Variants in SLC24A2 observed in about 807,000 individuals in gnomAD.
SLC24A2 encodes solute carrier family 24 member 2.
A neutral mutation model predicts 62.0 loss-of-function variants in SLC24A2; 36 were observed. The observed-to-expected ratio is 0.58, with a 90% CI of 0.44 to 0.77. The LOEUF (loss-of-function observed/expected upper bound fraction) is 0.77, where lower values mean the gene tolerates loss of function less well. Ranked by LOEUF, SLC24A2 falls within the 30% of genes least tolerant of loss-of-function variation. The pLI is 0.00. For missense variants in SLC24A2, 846 were observed against 817.9 expected (o/e 1.03, Z -0.42); for synonymous variants, 358 against 294.0 (o/e 1.22, Z -2.23).
intron 2 of SLC24A2, among the ~76,000 whole-genome samples, chr9:19,623,026 G>T (rs1440559058): frequency 1.3e-5 from 2 of 152,124 alleles, no homozygotes; most frequent in African/African-American, 4.8e-5. Context: ...TAGAACACAA[G>T]GGCACATAAA....
At chr9:19,562,668 AAATGGAACCCAT>A (rs1320711514) in intron 7 of SLC24A2, among the ~76,000 whole-genome samples, 1 of 152,250 alleles carries the variant, frequency 6.6e-6, no homozygotes, top group African/African-American at 2.4e-5. Flanking sequence ...TGCCTTCAGA[AAATGGAACCCAT>A]GTGCCAAGGC....
At chr9:19,579,215 A>T (rs766267152) in intron 5 of SLC24A2, among the ~76,000 whole-genome samples, 1 of 152,210 alleles carries the variant, frequency 6.6e-6, no homozygotes, top group Non-Finnish European at 1.5e-5. Flanking sequence ...AAGAAGAACA[A>T]GAACAGAAAG....
chr9:19,942,913 T>C, the SLC24A2 span, among the ~76,000 whole-genome samples: 2 of 152,154 alleles, frequency 1.3e-5, no homozygotes, highest in African/African-American at 4.8e-5. Flanking sequence ...CCTCCACTGG[T>C]TAGATCCAAA....
At chr9:19,980,099 C>A in the SLC24A2 span, among the ~76,000 whole-genome samples, 1 of 152,148 alleles carries the variant, frequency 6.6e-6, no homozygotes, top group Non-Finnish European at 1.5e-5. Context: ...GGACTAAAGG[C>A]TTCCTGGAGG....
rs575760324 is a variant in SLC24A2, at chr9:19,743,892, C to T, written c.930+42045G>A. On this transcript the variant is annotated intron_variant, in intron 2 of 10. Transcript: ENST00000341998. ...GGTGGGGGTGCAGGTAAGGAGGATA[C>T]TTTCTCACTTTATTAGCCCATGTAT... is the stretch of plus-strand genomic sequence containing the variant. Among the ~76,000 whole-genome samples, 3 of 152,136 alleles carry T rather than the reference C, an allele frequency of 2.0e-5. No individual in the cohort carries two copies. The East Asian group carries it at 5.8e-4, about 29-fold the overall frequency.
the SLC24A2 span, among the ~76,000 whole-genome samples, chr9:20,088,793 A>G: frequency 4.9e-4 from 75 of 151,688 alleles, no homozygotes; most frequent in African/African-American, 1.6e-3. Context: ...AGCCTCCCCA[A>G]CTGGTGTGTT....
At chr9:19,654,942 C>G (rs1818903521) in intron 2 of SLC24A2, among the ~76,000 whole-genome samples, 1 of 152,200 alleles carries the variant, frequency 6.6e-6, no homozygotes, top group African/African-American at 2.4e-5. Flanking sequence ...CCCTCATTTT[C>G]TCAGGTCCAA....
the SLC24A2 span, among the ~76,000 whole-genome samples, chr9:20,011,493 T>C: frequency 5.9e-5 from 9 of 152,092 alleles, no homozygotes; most frequent in Admixed American, 5.2e-4. Context: ...CACAGGACAC[T>C]TGAAATTATC....
chr9:19,684,447 G>A (rs1276889087), intron 2 of SLC24A2, among the ~76,000 whole-genome samples: 1 of 152,072 alleles, frequency 6.6e-6, no homozygotes, highest in Non-Finnish European at 1.5e-5. Flanking sequence ...GAGAGATGGA[G>A]TGCTTTTCCT....
chr9:19,793,639 C>T (rs1823345473), upstream of SLC24A2, among the ~76,000 whole-genome samples: 1 of 152,190 alleles, frequency 6.6e-6, no homozygotes, highest in African/African-American at 2.4e-5. Context: ...TTATTATCCA[C>T]AGATGAAGAA....
chr9:19,986,778 G>T, the SLC24A2 span, among the ~76,000 whole-genome samples: 1 of 152,088 alleles, frequency 6.6e-6, no homozygotes, highest in Non-Finnish European at 1.5e-5. Context: ...GCCCGAGGCT[G>T]GGGGAGGGGG....
At chr9:19,754,192 T>C (rs375024011) in intron 2 of SLC24A2, among the ~76,000 whole-genome samples, 1 of 152,176 alleles carries the variant, frequency 6.6e-6, no homozygotes, top group Middle Eastern at 3.4e-3. Flanking sequence ...AGTGGCAGGG[T>C]AGAAGAAAGG....
At chr9:19,850,990 TATATATATATACAC>T in the SLC24A2 span, among the ~76,000 whole-genome samples, 23 of 39,830 alleles carry the variant, frequency 5.8e-4, 2 homozygotes, top group African/African-American at 1.1e-3. Context: ...TATATGTATA[TATATATATATACAC>T]ATACATATAT....
At chr9:19,717,636 T>G (rs1820896767) in intron 2 of SLC24A2, among the ~76,000 whole-genome samples, 1 of 152,210 alleles carries the variant, frequency 6.6e-6, no homozygotes, top group African/African-American at 2.4e-5. Context: ...GTTAAACTAC[T>G]CAACAATAAA....
At chr9:19,533,372 A>G (rs941008103) in intron 8 of SLC24A2, among the ~76,000 whole-genome samples, 4 of 152,226 alleles carry the variant, frequency 2.6e-5, no homozygotes, top group Non-Finnish European at 5.9e-5. Context: ...GTGGACTGCA[A>G]AAATGGGCAC....
At chr9:19,779,531 T>C (rs748427625) in intron 2 of SLC24A2, among the ~76,000 whole-genome samples, 1 of 151,838 alleles carries the variant, frequency 6.6e-6, no homozygotes, top group African/African-American at 2.4e-5. Context: ...GAAATAAAAC[T>C]CTAAGTAAAT....
the SLC24A2 span, among the ~76,000 whole-genome samples, chr9:19,795,208 T>C: frequency 8.9e-4 from 135 of 152,262 alleles, 1 homozygote; most frequent in South Asian, 1.2e-3. Context: ...ACATATGTGG[T>C]GGGCGTAGTG....
intron 7 of SLC24A2, among the ~76,000 whole-genome samples, chr9:19,563,589 A>G (rs1010526052): frequency 6.6e-6 from 1 of 152,200 alleles, no homozygotes; most frequent in African/African-American, 2.4e-5. Context: ...ATTTATTACG[A>G]AATCTTCCAA....
chr9:19,731,567 T>C (rs2118711135), intron 2 of SLC24A2, among the ~76,000 whole-genome samples: 1 of 151,806 alleles, frequency 6.6e-6, no homozygotes, highest in East Asian at 1.9e-4. Flanking sequence ...GCACACAGGC[T>C]ATACAAGAAA....
Sources: allele counts gnomAD v4.1 joint callset (sites outside exome capture counted in the v4.1 genomes callset), GRCh38; gene constraint gnomAD v4.1.1; transcripts MANE v1.5; gene names NCBI Gene and HGNC (gene_info 2026-07-23, HGNC 2026-07-21).